CHRM3: variants seen among roughly 807,000 people sequenced by gnomAD.
CHRM3 encodes cholinergic receptor muscarinic 3, also known as muscarinic acetylcholine receptor M3.
In CHRM3, 11 loss-of-function variants were observed where a neutral mutation model predicts 41.8. The ratio of observed to expected loss-of-function variants is 0.26; its 90% confidence interval spans 0.17 to 0.44. The LOEUF is 0.44. Among genes scored for constraint, CHRM3 ranks in the 20% least tolerant of loss-of-function variants. CHRM3 has a pLI of 1.00. For synonymous variants in CHRM3, 297 were observed against 301.4 expected (o/e 0.99, Z 0.15); for missense variants, 571 against 745.4 (o/e 0.77, Z 2.72).
intron 1 of CHRM3, among the ~76,000 whole-genome samples, chr1:239,461,022 A>G (rs1244930311): frequency 1.3e-5 from 2 of 152,194 alleles, no homozygotes; most frequent in African/African-American, 4.8e-5. Context: ...ATAGCCTAAT[A>G]TTCAAGAAAA....
intron 5 of CHRM3, among the ~76,000 whole-genome samples, chr1:239,825,873 C>T (rs2149072928): frequency 6.6e-6 from 1 of 152,242 alleles, no homozygotes. Context: ...AAACACTGCA[C>T]CTGTCCAGCA....
intron 3 of CHRM3, among the ~76,000 whole-genome samples, chr1:239,591,036 G>A (rs919902600): frequency 6.6e-6 from 1 of 152,142 alleles, no homozygotes; most frequent in African/African-American, 2.4e-5. Flanking sequence ...TATGCTGGGC[G>A]CTGGTGAGAA....
At chr1:239,412,268 T>A (rs1316003767) in intron 1 of CHRM3, among the ~76,000 whole-genome samples, 2 of 125,764 alleles carry the variant, frequency 1.6e-5, no homozygotes, top group Non-Finnish European at 3.3e-5. Flanking sequence ...TCCTTCATTT[T>A]CTCTCTTCCT....
intron 5 of CHRM3, among the ~76,000 whole-genome samples, chr1:239,810,350 G>A (rs920317576): frequency 2.0e-5 from 3 of 152,130 alleles, no homozygotes; most frequent in Non-Finnish European, 2.9e-5. Context: ...GACATAAGGG[G>A]GCTGAAGTCA....
rs137992669 is a variant in CHRM3, at chr1:239,908,452, G to A, written c.1001G>A (p.Ser334Asn). ...SEQMDQDHSS[S>N]DSWNNNDAAA... ...CAGATGGACCAAGACCACAGCAGCA[G>A]TGACAGTTGGAACAACAATGATGCT... The change falls in exon 7 of 7, where the codon AGT (serine) becomes AAT (asparagine). Residue 334 changes from serine (S) to asparagine (N), a missense_variant. Coordinates refer to ENST00000676153, the MANE Select transcript of CHRM3 (RefSeq NM_001375978.1). This position sits in a 1 kb window ranked among gnomAD's most constrained non-coding sequence, Gnocchi z 7.2. 3.7e-6 allele frequency: 6 copies of A among 1,613,670 alleles called. No individual in the cohort carries two copies. The highest frequency in any genetic ancestry group is 5.1e-6 in the Non-Finnish European group (6 of 1,179,876).
intron 1 of CHRM3, among the ~76,000 whole-genome samples, chr1:239,413,205 T>C (rs531158783): frequency 1.0e-3 from 154 of 152,262 alleles, no homozygotes; most frequent in Middle Eastern, 3.4e-3. Flanking sequence ...CCTTCCACCC[T>C]TTGGCCCAAC....
At chr1:239,685,375 A>G (rs1217476862) in intron 5 of CHRM3, among the ~76,000 whole-genome samples, 3 of 152,236 alleles carry the variant, frequency 2.0e-5, no homozygotes, top group Non-Finnish European at 1.5e-5. Flanking sequence ...CCAGTTCACT[A>G]TTAGTGGCAA....
At chr1:239,679,926 C>G (rs1658394970) in intron 5 of CHRM3, among the ~76,000 whole-genome samples, 1 of 152,124 alleles carries the variant, frequency 6.6e-6, no homozygotes, top group South Asian at 2.1e-4. Flanking sequence ...TCAACCTTCA[C>G]TGTGAAGAGA....
chr1:239,774,951 C>A (rs1401186153), intron 5 of CHRM3, among the ~76,000 whole-genome samples: 3 of 151,924 alleles, frequency 2.0e-5, no homozygotes, highest in Admixed American at 2.0e-4. Flanking sequence ...AATCTCCTTG[C>A]CATAGGAGAG....
chr1:239,460,833 T>G (rs1277496095), intron 1 of CHRM3, among the ~76,000 whole-genome samples: 2 of 152,206 alleles, frequency 1.3e-5, no homozygotes, highest in African/African-American at 4.8e-5. Context: ...TAAAATGTAG[T>G]GTTCTTCAGG....
intron 2 of CHRM3, among the ~76,000 whole-genome samples, chr1:239,524,728 C>T (rs75473548): frequency 0.036 from 5,522 of 152,106 alleles, 162 homozygotes; most frequent in African/African-American, 0.068. Context: ...ATGATAAAAG[C>T]TAAGTGAATT....
chr1:239,738,039 G>A (rs112475456), intron 5 of CHRM3, among the ~76,000 whole-genome samples: 1,598 of 152,232 alleles, frequency 0.01, 35 homozygotes, highest in African/African-American at 0.037. Context: ...ATAATTACTT[G>A]TGGATGAAGC....
At chr1:239,444,085 GT>G (rs1180090417) in intron 1 of CHRM3, among the ~76,000 whole-genome samples, 2 of 152,136 alleles carry the variant, frequency 1.3e-5, no homozygotes, top group Non-Finnish European at 2.9e-5. Flanking sequence ...AGCATGTTGT[GT>G]GCCATCTCTG....
rs57766277 is a variant in CHRM3, at chr1:239,816,309, T to C, written c.-146-10943T>C. Among the ~76,000 whole-genome samples the C allele has an allele frequency of 6.0e-3, 912 of 152,290 alleles. 5 individuals carry two copies. The highest frequency in any genetic ancestry group is 0.02 in the African/African-American group (851 of 41,556). On this transcript the variant is annotated intron_variant, in intron 5 of 6. Coordinates refer to ENST00000676153, the MANE Select transcript of CHRM3 (RefSeq NM_001375978.1). Reference sequence around the variant, plus strand: ...AAAGACGTGGTCTTTCCTAATACAGTCTTGCTTCACTACTCCACCGGTGTT... The same window carrying C: ...AAAGACGTGGTCTTTCCTAATACAGCCTTGCTTCACTACTCCACCGGTGTT...
At chr1:239,483,463 A>G (rs889102723) in intron 1 of CHRM3, among the ~76,000 whole-genome samples, 1 of 152,210 alleles carries the variant, frequency 6.6e-6, no homozygotes, top group Non-Finnish European at 1.5e-5. Context: ...GAGCTCAAGG[A>G]GCCTAAGATG....
chr1:239,421,597 G>A (rs1390213377), intron 1 of CHRM3, among the ~76,000 whole-genome samples: 2 of 152,272 alleles, frequency 1.3e-5, no homozygotes, highest in East Asian at 3.9e-4. Context: ...GTGGCTTACT[G>A]TTTTTAAAAA....
intron 5 of CHRM3, among the ~76,000 whole-genome samples, chr1:239,777,095 A>AT (rs1668151333): frequency 6.6e-6 from 1 of 152,192 alleles, no homozygotes; most frequent in Non-Finnish European, 1.5e-5. Flanking sequence ...TCAACCGAAG[A>AT]TTTTGACTGT....
intron 5 of CHRM3, among the ~76,000 whole-genome samples, chr1:239,820,904 A>G (rs1416312649): frequency 1.3e-5 from 2 of 152,298 alleles, no homozygotes; most frequent in African/African-American, 4.8e-5. Context: ...AAATGTTAGT[A>G]TTTAAATTTA....
In CHRM3 at chr1:239,533,743, A is replaced by C. The variant is rs868837554; in HGVS notation, c.-421-11898A>C. On this transcript the variant is annotated intron_variant, in intron 2 of 6. Coordinates refer to ENST00000676153, the MANE Select transcript of CHRM3 (RefSeq NM_001375978.1). ...CCAAACTCTGTCTCAAAAAAAAAAAAAAAAAAACAAAAAAACCCTTAAAAA... is the reference window on the plus strand; with the variant it reads ...CCAAACTCTGTCTCAAAAAAAAAAACAAAAAAACAAAAAAACCCTTAAAAA... Among the ~76,000 whole-genome samples, 32 of 149,190 alleles carry C rather than the reference A, an allele frequency of 2.1e-4. 1 individual carries two copies. Among genetic ancestry groups the C allele is most frequent in the Admixed American group, 8.7e-4 (13 of 14,860 alleles).
Sources: allele counts gnomAD v4.1 joint callset (sites outside exome capture counted in the v4.1 genomes callset), GRCh38; gene constraint gnomAD v4.1.1; non-coding constraint Gnocchi (gnomAD v3.1); transcripts MANE v1.5; gene names NCBI Gene and HGNC (gene_info 2026-07-23, HGNC 2026-07-21).